Variants in GCGR observed in about 807,000 individuals in gnomAD.
GCGR encodes glucagon receptor.
In GCGR, 41 loss-of-function variants were observed where a neutral mutation model predicts 56.1. The observed-to-expected ratio is 0.73, with a 90% CI of 0.57 to 0.95. GCGR has a LOEUF of 0.95. GCGR is among the 40% of genes least tolerant of loss of function. GCGR has a pLI of 0.00. For missense variants in GCGR, 595 were observed against 638.2 expected, an observed-to-expected ratio of 0.93 and a Z score of 0.73; for synonymous variants, 278 against 271.1, an observed-to-expected ratio of 1.03 and a Z score of -0.25.
chr17:81,811,368 GGGA>G lies in GCGR; in HGVS notation c.501-29_501-27del, dbSNP rs772460555. On this transcript the variant is annotated intron_variant, in intron 6 of 13. Transcript: ENST00000400723. The surrounding 1 kb of genome is among the most constrained non-coding windows in gnomAD (Gnocchi z 5.8). ...GCGCCCGGGGCGGCCGCAGAGGACA[GGGA>G]GGAGGACGGGCGCTGACTGGCTGTG... 4.0e-4 allele frequency: 617 copies of G among 1,535,594 alleles called. No individual in the cohort carries two copies. Among genetic ancestry groups the G allele is most frequent in the Non-Finnish European group, 5.1e-4 (585 of 1,146,390 alleles).
At position 81,806,295 on chromosome 17, in the gene GCGR, C is replaced by T. The variant is rs1408466190; in HGVS notation, c.-178+2046C>T. Among the ~76,000 whole-genome samples the T allele has an allele frequency of 6.6e-6, 1 of 152,170 alleles. No individual in the cohort carries two copies. Among genetic ancestry groups the T allele is most frequent in the Non-Finnish European group, 1.5e-5 (1 of 68,018 alleles). ...TATCAGAGACCCAGTGGAGAATTGC[C>T]TCCCACCTCACCTCTTGTATTCAGA... On this transcript the variant is annotated intron_variant, in intron 1 of 13. Transcript: ENST00000400723. This position sits in a 1 kb window ranked among gnomAD's most constrained non-coding sequence, Gnocchi z 6.5.
At chr17:81,809,646 C>CCGT in intron 2 of GCGR, 136 bp from the exon 3 acceptor site, 1 of 671,782 alleles carries the variant, frequency 1.5e-6, no homozygotes, top group Non-Finnish European at 2.6e-6. Context: ...TGTCTGTCTG[C>CCGT]CTGTCTGCCT....
At position 81,811,205 on chromosome 17, in the gene GCGR, G is replaced by C. The variant is rs1460678115; in HGVS notation, c.394-17G>C. The C allele has an allele frequency of 6.5e-7, 1 of 1,536,090 alleles. No individual in the cohort carries two copies. The highest frequency in any genetic ancestry group is 1.4e-5 in the African/African-American group (1 of 73,038). On this transcript the variant is annotated splice_polypyrimidine_tract_variant and intron_variant, in intron 5 of 13. Coordinates refer to ENST00000400723, the MANE Select transcript of GCGR (RefSeq NM_000160.5). This position sits in a 1 kb window ranked among gnomAD's most constrained non-coding sequence, Gnocchi z 5.8. ...GGGGGCCCCTGCCTGGCCCTCACAG[G>C]CCACTGTAACTCGCAGAAGGAGGTG...
chr17:81,811,167 T>A lies in GCGR; in HGVS notation c.393+36T>A. 6.5e-7 allele frequency: 1 copy of A among 1,535,866 alleles called. No individual in the cohort carries two copies. Among genetic ancestry groups the A allele is most frequent in the African/African-American group, 1.4e-5 (1 of 73,104 alleles). On this transcript the variant is annotated intron_variant, in intron 5 of 13. Transcript: ENST00000400723. The surrounding 1 kb of genome is among the most constrained non-coding windows in gnomAD (Gnocchi z 5.8). ...GGCAGGCAGGCGCGGTGGGGCTGGA[T>A]GGGAACGGGCATGGGGGCCCCTGCC...
In GCGR at chr17:81,810,723, G is replaced by A. The variant is rs1286888388; in HGVS notation, c.164-102G>A. 2.2e-5 allele frequency: 25 copies of A among 1,136,062 alleles called. No individual in the cohort carries two copies. The highest frequency in any genetic ancestry group is 1.7e-4 in the South Asian group (13 of 75,008). 70.4% of individuals were successfully genotyped at this position (1,136,062 alleles called of 1,614,324 possible). ...CAGGCCATGTCCTGGGCGAGGTGAC[G>A]GCCGAGCTCAGGCTTCCAGAGAGAG... is the stretch of plus-strand genomic sequence containing the variant. On this transcript the variant is annotated intron_variant, in intron 3 of 13. Coordinates refer to ENST00000400723, the MANE Select transcript of GCGR (RefSeq NM_000160.5). This position sits in a 1 kb window ranked among gnomAD's most constrained non-coding sequence, Gnocchi z 4.6.
Position 81,810,880 on chromosome 17 carries a change from C to A in GCGR, c.219C>A (p.Ala73=). ...DKYSCWPDTP[A]NTTANISCPW... ...ATTCCTGCTGGCCGGACACCCCCGC[C>A]AATACCACGGCCAACATCTCCTGCC... is the stretch of plus-strand genomic sequence containing the variant. Residue 73 remains alanine (A), a synonymous_variant, in exon 4 of 14, where the codon GCC becomes GCA. Coordinates refer to ENST00000400723, the MANE Select transcript of GCGR (RefSeq NM_000160.5). The surrounding 1 kb of genome is among the most constrained non-coding windows in gnomAD (Gnocchi z 4.6). 1.3e-6 allele frequency: 2 copies of A among 1,518,154 alleles called. No homozygotes were observed. Among genetic ancestry groups the A allele is most frequent in the Non-Finnish European group, 1.8e-6 (2 of 1,135,690 alleles). 94.0% of individuals were successfully genotyped at this position (1,518,154 alleles called of 1,614,324 possible).
rs2038139079 is a variant in GCGR at position 81,813,142 on chromosome 17, C to T, written c.1218+85C>T. Reference sequence around the variant, plus strand: ...GAGAGGCACAGGGATGCCAGCCCCACCCCTGCCCGGGGGTTGGAACACGTG... The same window carrying T: ...GAGAGGCACAGGGATGCCAGCCCCATCCCTGCCCGGGGGTTGGAACACGTG... On this transcript the variant is annotated intron_variant, in intron 13 of 13. Coordinates refer to ENST00000400723, the MANE Select transcript of GCGR (RefSeq NM_000160.5). The surrounding 1 kb of genome is among the most constrained non-coding windows in gnomAD (Gnocchi z 5.3). The T allele has an allele frequency of 6.6e-7, 1 of 1,523,178 alleles. No individual in the cohort carries two copies. 94.4% of individuals were successfully genotyped at this position (1,523,178 alleles called of 1,614,324 possible).
In GCGR at chr17:81,811,018, C is replaced by T. The variant is rs552010052; in HGVS notation, c.280C>T (p.Arg94Cys). The change falls in exon 5 of 14, where the codon CGC becomes TGC. Residue 94 changes from arginine (R) to cysteine (C), a missense_variant. Transcript: ENST00000400723. This position sits in a 1 kb window ranked among gnomAD's most constrained non-coding sequence, Gnocchi z 5.8. ...TCCCCCCACACCCCCAGTGCAACACCGCTTCGTGTTCAAGAGATGCGGGCC... is the reference window on the plus strand; with the variant it reads ...TCCCCCCACACCCCCAGTGCAACACTGCTTCGTGTTCAAGAGATGCGGGCC... ...YLPWHHKVQH[R>C]FVFKRCGPDG... The T allele has an allele frequency of 5.2e-5, 80 of 1,536,054 alleles. No individual in the cohort carries two copies. Among genetic ancestry groups the T allele is most frequent in the African/African-American group, 5.2e-4 (38 of 73,168 alleles).
Position 81,810,964 on chromosome 17 carries a change from G to T in GCGR, c.271+32G>T. The T allele has an allele frequency of 1.3e-6, 2 of 1,533,038 alleles. No homozygotes were observed. Among genetic ancestry groups the T allele is most frequent in the Non-Finnish European group, 1.7e-6 (2 of 1,144,136 alleles). The allele number at this position is 1,533,038 out of a possible 1,614,324, so 95.0% of individuals were successfully genotyped here. On this transcript the variant is annotated intron_variant, in intron 4 of 13. Transcript: ENST00000400723. The surrounding 1 kb of genome is among the most constrained non-coding windows in gnomAD (Gnocchi z 4.6). ...ATAGAGGGGAGGAACTGTGGGGGGGGCGGGCCCAGGGTGGGGCTGACCCCA... is the reference window on the plus strand; with the variant it reads ...ATAGAGGGGAGGAACTGTGGGGGGGTCGGGCCCAGGGTGGGGCTGACCCCA...
intron 1 of GCGR, among the ~76,000 whole-genome samples, chr17:81,807,224 C>T (rs540881548): frequency 8.1e-4 from 123 of 152,346 alleles, no homozygotes; most frequent in African/African-American, 2.8e-3. Context: ...GTGGGTCCTT[C>T]GCCCCAGCAC....
chr17:81,812,947 T>G lies in GCGR; in HGVS notation c.1176+2T>G. The G allele has an allele frequency of 6.5e-7, 1 of 1,535,638 alleles. No individual in the cohort carries two copies. Among genetic ancestry groups the G allele is most frequent in the South Asian group, 1.2e-5 (1 of 84,018 alleles). On this transcript the variant is annotated splice_donor_variant, in intron 12 of 13. Transcript: ENST00000400723. LOFTEE classifies it high-confidence loss of function. This position sits in a 1 kb window ranked among gnomAD's most constrained non-coding sequence, Gnocchi z 8.5. ...GACCTCTTCCTCAGCTCCTTCCAGGTGCCCGCCCGCCCGCCGGCTCCCCCG... is the reference window on the plus strand; with the variant it reads ...GACCTCTTCCTCAGCTCCTTCCAGGGGCCCGCCCGCCCGCCGGCTCCCCCG...
chr17:81,809,901 GA>G lies in GCGR; in HGVS notation c.163+18del. ...CTCCCACGGGTGAGCCCCCCACCCA[GA>G]GCCTTTCAGCCTGTGCCTGGCCTCA... On this transcript the variant is annotated intron_variant, in intron 3 of 13. Transcript: ENST00000400723. 2 of 1,506,856 alleles carry G rather than the reference GA, an allele frequency of 1.3e-6. No homozygotes were observed. The highest frequency in any genetic ancestry group is 1.8e-6 in the Non-Finnish European group (2 of 1,119,894). The allele number at this position is 1,506,856 out of a possible 1,614,324, so 93.3% of individuals were successfully genotyped here.
chr17:81,810,703 C>T lies in GCGR; in HGVS notation c.164-122C>T. On this transcript the variant is annotated intron_variant, in intron 3 of 13. Transcript: ENST00000400723. The surrounding 1 kb of genome is among the most constrained non-coding windows in gnomAD (Gnocchi z 4.6). ...AAGTGGGGGAGGGAGCAGCCCAGGC[C>T]ATGTCCTGGGCGAGGTGACGGCCGA... The T allele has an allele frequency of 1.1e-6, 1 of 900,912 alleles. No homozygotes were observed. Among genetic ancestry groups the T allele is most frequent in the East Asian group, 2.6e-5 (1 of 37,950 alleles). The allele number at this position is 900,912 out of a possible 1,614,324, so 55.8% of individuals were successfully genotyped here.
Position 81,809,610 on chromosome 17 carries a change from CCTAT to C in GCGR, c.61-169_61-166del, listed in dbSNP as rs1251081133. 1.2e-3 allele frequency among the ~76,000 whole-genome samples: 168 copies of C among 144,728 alleles called. 1 individual carries two copies. The highest frequency in any genetic ancestry group is 3.0e-3 in the African/African-American group (115 of 38,710). The allele number at this position is 144,728 out of a possible 152,430, so 94.9% of individuals were successfully genotyped here. ...GTCCATCTGCCTATCCATCTGCCTGCCTATCTGTCTGTCCGTCTGCCTGCCTGTC... is the reference window on the plus strand; with the variant it reads ...GTCCATCTGCCTATCCATCTGCCTGCCTGTCTGTCCGTCTGCCTGCCTGTC... On this transcript the variant is annotated intron_variant, in intron 2 of 13. Coordinates refer to ENST00000400723, the MANE Select transcript of GCGR (RefSeq NM_000160.5).
rs929528180 is a variant in GCGR at position 81,804,453 on chromosome 17, C to G, written c.-178+204C>G. 6.6e-6 allele frequency among the ~76,000 whole-genome samples: 1 copy of G among 151,744 alleles called. No individual in the cohort carries two copies. The highest frequency in any genetic ancestry group is 2.4e-5 in the African/African-American group (1 of 41,340). On this transcript the variant is annotated intron_variant, in intron 1 of 13. Transcript: ENST00000400723. The surrounding 1 kb of genome is among the most constrained non-coding windows in gnomAD (Gnocchi z 8.2). Reference sequence around the variant, plus strand: ...GGCTCGGACACCACCCGGTCCTGCACCGTCGGGCAGGTCCAGGGGTCTCAG... The same window carrying G: ...GGCTCGGACACCACCCGGTCCTGCAGCGTCGGGCAGGTCCAGGGGTCTCAG...
In GCGR at chr17:81,812,534, C is replaced by A. The variant is rs530081290; in HGVS notation, c.949-43C>A. The A allele has an allele frequency of 6.6e-7, 1 of 1,517,208 alleles. No homozygotes were observed. The highest frequency in any genetic ancestry group is 1.4e-5 in the African/African-American group (1 of 72,778). The allele number at this position is 1,517,208 out of a possible 1,614,324, so 94.0% of individuals were successfully genotyped here. On this transcript the variant is annotated intron_variant, in intron 10 of 13. Transcript: ENST00000400723. The surrounding 1 kb of genome is among the most constrained non-coding windows in gnomAD (Gnocchi z 8.5). ...GCCTTCCAAGGGCACAGAGCTGTTC[C>A]CTGGGGCTCGGGATGCCCCTGACTC...
rs1175641949 is a variant in GCGR at position 81,810,822 on chromosome 17, C to A, written c.164-3C>A. 2.0e-6 allele frequency: 3 copies of A among 1,536,914 alleles called. No homozygotes were observed. The highest frequency in any genetic ancestry group is 2.4e-5 in the East Asian group (1 of 40,916). On this transcript the variant is annotated splice_polypyrimidine_tract_variant and splice_region_variant and intron_variant, in intron 3 of 13. Transcript: ENST00000400723. This position sits in a 1 kb window ranked among gnomAD's most constrained non-coding sequence, Gnocchi z 4.6. ...CTCTGCCCTGCCCTACCCTACCCTG[C>A]AGAGCTGGTGTGCAACAGAACCTTC...
At chr17:81,808,550 C>T (rs1231439962) in intron 1 of GCGR, among the ~76,000 whole-genome samples, 6 of 145,670 alleles carry the variant, frequency 4.1e-5, no homozygotes, top group Admixed American at 2.8e-4. Context: ...GACGGAGTCT[C>T]GCTCTGTCAC....
chr17:81,813,037 T>A lies in GCGR; in HGVS notation c.1198T>A (p.Tyr400Asn), dbSNP rs2038136877. ...CCAGGGCCTGCTGGTGGCTGTCCTC[T>A]ACTGCTTCCTCAACAAGGAGGTAGG... ...SFQGLLVAVLYCFLNKEVQSE... is the reference protein window; with the variant it reads ...SFQGLLVAVLNCFLNKEVQSE... Residue 400 changes from tyrosine (Y) to asparagine (N), a missense_variant, in exon 13 of 14, where the codon TAC becomes AAC. By Grantham distance (143) the Tyr-to-Asn change is moderately radical. Coordinates refer to ENST00000400723, the MANE Select transcript of GCGR (RefSeq NM_000160.5). The surrounding 1 kb of genome is among the most constrained non-coding windows in gnomAD (Gnocchi z 5.3). 1 of 1,536,386 alleles carries A rather than the reference T, an allele frequency of 6.5e-7. No individual in the cohort carries two copies. The highest frequency in any genetic ancestry group is 8.7e-7 in the Non-Finnish European group (1 of 1,146,834).
Sources: allele counts gnomAD v4.1 joint callset (sites outside exome capture counted in the v4.1 genomes callset), GRCh38; gene constraint gnomAD v4.1.1; non-coding constraint Gnocchi (gnomAD v3.1); transcripts MANE v1.5; gene names NCBI Gene and HGNC (gene_info 2026-07-23, HGNC 2026-07-21).